Variants in CDH18 observed in about 807,000 individuals in gnomAD.
CDH18 encodes cadherin 18.
A neutral mutation model predicts 67.9 loss-of-function variants in CDH18; 31 were observed. The observed-to-expected ratio is 0.46, with a 90% confidence interval of 0.34 to 0.62. The LOEUF (loss-of-function observed/expected upper bound fraction) is 0.62. Ranked by LOEUF, CDH18 falls within the 20% of genes least tolerant of loss-of-function variation. The pLI is 0.01. For missense variants in CDH18, 890 were observed against 975.5 expected, an observed-to-expected ratio of 0.91 and a Z score of 1.17; for synonymous variants, 362 against 347.2, an observed-to-expected ratio of 1.04 and a Z score of -0.48.
At chr5:20,372,705 CATT>C (rs1562011681) in intron 1 of CDH18, among the ~76,000 whole-genome samples, 1 of 152,092 alleles carries the variant, frequency 6.6e-6, no homozygotes, top group East Asian at 1.9e-4. Context: ...TGATAGCAAA[CATT>C]AGTTGATCTC....
At chr5:19,794,920 A>T (rs1261996171) in intron 3 of CDH18, among the ~76,000 whole-genome samples, 2 of 152,094 alleles carry the variant, frequency 1.3e-5, no homozygotes, top group African/African-American at 4.8e-5. Context: ...AAGGTATGAA[A>T]AAGGCATGCT....
chr5:20,421,429 T>C (rs1235835471), intron 1 of CDH18, among the ~76,000 whole-genome samples: 1 of 150,666 alleles, frequency 6.6e-6, no homozygotes, highest in Non-Finnish European at 1.5e-5. Flanking sequence ...GATGTAACTG[T>C]TGGGTGTCAA....
chr5:20,127,149 T>C (rs980001715), intron 2 of CDH18, among the ~76,000 whole-genome samples: 5 of 152,270 alleles, frequency 3.3e-5, no homozygotes, highest in East Asian at 3.9e-4. Flanking sequence ...GTTCTTGTGA[T>C]AGTGAGTGAG....
intron 9 of CDH18, among the ~76,000 whole-genome samples, chr5:19,531,730 G>GA (rs1165586443): frequency 1.1e-4 from 16 of 152,052 alleles, no homozygotes; most frequent in Non-Finnish European, 1.6e-4. Context: ...TCAGGAGTTC[G>GA]AGACCAGTCT....
chr5:20,369,631 T>C (rs1288486546), intron 1 of CDH18, among the ~76,000 whole-genome samples: 2 of 152,214 alleles, frequency 1.3e-5, no homozygotes, highest in African/African-American at 4.8e-5. Flanking sequence ...ATATGAATAA[T>C]TTAAGGAAAT....
chr5:19,941,480 A>G (rs1160049367), intron 2 of CDH18, among the ~76,000 whole-genome samples: 1 of 152,030 alleles, frequency 6.6e-6, no homozygotes, highest in East Asian at 1.9e-4. Flanking sequence ...TTTGCTAATT[A>G]TGTTTTAAGA....
chr5:19,787,481 A>G (rs981404113), intron 3 of CDH18, among the ~76,000 whole-genome samples: 1 of 152,096 alleles, frequency 6.6e-6, no homozygotes, highest in Non-Finnish European at 1.5e-5. Flanking sequence ...TGTATGAGCA[A>G]GTCTTTTAAT....
At chr5:20,547,222 C>A (rs1757390050) in intron 1 of CDH18, among the ~76,000 whole-genome samples, 1 of 151,958 alleles carries the variant, frequency 6.6e-6, no homozygotes, top group African/African-American at 2.4e-5. Flanking sequence ...AAGTGACAAG[C>A]AATATAGGCT....
intron 5 of CDH18, among the ~76,000 whole-genome samples, chr5:19,678,991 A>G (rs1209175369): frequency 6.6e-6 from 1 of 151,988 alleles, no homozygotes; most frequent in Non-Finnish European, 1.5e-5. Flanking sequence ...CAGAGACACA[A>G]TGGAAAAAGA....
chr5:20,465,846 A>T (rs558679311), intron 1 of CDH18, among the ~76,000 whole-genome samples: 1 of 152,186 alleles, frequency 6.6e-6, no homozygotes, highest in South Asian at 2.1e-4. Context: ...AACGCTCTGT[A>T]AGACAATAAA....
chr5:19,490,485 G>C (rs1331053949), intron 11 of CDH18, among the ~76,000 whole-genome samples: 2 of 131,162 alleles, frequency 1.5e-5, no homozygotes, highest in East Asian at 4.5e-4. Flanking sequence ...TGCGATCTTG[G>C]CTTACTGCAA....
chr5:19,859,989 G>GGTGTGTGTGTGTGTGTGT lies in CDH18; in HGVS notation c.-256-20765_-256-20748dup, dbSNP rs3065070. On this transcript the variant is annotated intron_variant, in intron 2 of 12. Coordinates refer to ENST00000382275, the MANE Select transcript of CDH18 (RefSeq NM_004934.5). ...CTTATTAATTTACTTGTTTGCTTTG[G>GGTGTGTGTGTGTGTGTGT]GTGTGTGTGTGTGTGTGTGTGTGTG... Among the ~76,000 whole-genome samples the GGTGTGTGTGTGTGTGTGT allele has an allele frequency of 4.5e-3, 644 of 143,234 alleles. 1 individual carries two copies. Among genetic ancestry groups the GGTGTGTGTGTGTGTGTGT allele is most frequent in the Non-Finnish European group, 6.3e-3 (413 of 66,060 alleles). The allele number at this position is 143,234 out of a possible 152,430, so 94.0% of individuals were successfully genotyped here. A position where few individuals can be genotyped will look rare whatever the true frequency, so the allele number is the denominator to read the frequency against.
At chr5:20,089,061 G>T (rs1745211717) in intron 2 of CDH18, among the ~76,000 whole-genome samples, 1 of 152,008 alleles carries the variant, frequency 6.6e-6, no homozygotes, top group Admixed American at 6.6e-5. Flanking sequence ...GAGAGAGATA[G>T]ACTAGTGAAT....
intron 2 of CDH18, among the ~76,000 whole-genome samples, chr5:20,125,703 T>C (rs1321877248): frequency 6.6e-6 from 1 of 152,166 alleles, no homozygotes; most frequent in East Asian, 1.9e-4. Context: ...ATGCATCAAT[T>C]TTTTTAAAAT....
intron 2 of CDH18, among the ~76,000 whole-genome samples, chr5:19,957,007 T>TA (rs1796318551): frequency 6.6e-6 from 1 of 151,950 alleles, no homozygotes; most frequent in African/African-American, 2.4e-5. Flanking sequence ...TACCACTTAC[T>TA]TACATACTAA....
intron 2 of CDH18, among the ~76,000 whole-genome samples, chr5:19,946,746 G>T (rs1217423179): frequency 6.6e-6 from 1 of 152,042 alleles, no homozygotes; most frequent in African/African-American, 2.4e-5. Context: ...ATTTTATAAG[G>T]CCAGTATTGC....
chr5:20,116,766 A>G (rs1747949329), intron 2 of CDH18, among the ~76,000 whole-genome samples: 1 of 152,180 alleles, frequency 6.6e-6, no homozygotes, highest in Non-Finnish European at 1.5e-5. Flanking sequence ...CTGCAGTTCA[A>G]TGAAGGCTGC....
At chr5:19,874,525 C>T (rs901734141) in intron 2 of CDH18, among the ~76,000 whole-genome samples, 10 of 152,212 alleles carry the variant, frequency 6.6e-5, no homozygotes, top group Admixed American at 1.3e-4. Context: ...CTTCTCGATC[C>T]TATAGTCTAC....
chr5:20,466,238 G>C (rs1329874652), intron 1 of CDH18, among the ~76,000 whole-genome samples: 1 of 151,918 alleles, frequency 6.6e-6, no homozygotes, highest in East Asian at 1.9e-4. Context: ...CATTTTCAGT[G>C]ACTAATGAAT....
Sources: allele counts gnomAD v4.1 joint callset (sites outside exome capture counted in the v4.1 genomes callset), GRCh38; gene constraint gnomAD v4.1.1; transcripts MANE v1.5; gene names NCBI Gene and HGNC (gene_info 2026-07-23, HGNC 2026-07-21).